OR56A3: variants seen among roughly 807,000 people sequenced by gnomAD.
The protein encoded by OR56A3 is olfactory receptor family 56 subfamily A member 3.
Under a neutral mutation model 17.5 loss-of-function variants are expected in OR56A3, and 23 were observed. That is an observed-to-expected ratio of 1.32 (90% CI 0.95 to 1.87). The LOEUF is 1.87. Ranked by LOEUF, OR56A3 falls within the 40% of genes most tolerant of loss-of-function variation. The pLI is 0.00. For synonymous variants in OR56A3, 175 were observed against 150.6 expected (o/e 1.16, Z -1.19); for missense variants, 366 against 380.1 (o/e 0.96, Z 0.31).
the OR56A3 span, among the ~76,000 whole-genome samples, chr11:5,979,219 A>AATG: frequency 6.6e-6 from 1 of 151,892 alleles, no homozygotes; most frequent in East Asian, 1.9e-4. Context: ...TTGGTATCAA[A>AATG]ATGATGCTGG....
intron 2 of OR56A3, among the ~76,000 whole-genome samples, chr11:5,946,063 C>A (rs1241680905): frequency 1.3e-5 from 2 of 152,314 alleles, no homozygotes; most frequent in Admixed American, 6.5e-5. Flanking sequence ...CCCCTGAAGA[C>A]CTGACCTACA....
At chr11:5,986,798 T>A in the OR56A3 span, 4 of 1,613,846 alleles carry the variant, frequency 2.5e-6, no homozygotes, top group Admixed American at 5.0e-5. Context: ...GGCAGTGCAA[T>A]CCAGTGCTGG....
the OR56A3 span, among the ~76,000 whole-genome samples, chr11:6,007,725 C>T: frequency 1.3e-5 from 2 of 152,154 alleles, no homozygotes; most frequent in Non-Finnish European, 2.9e-5. Context: ...AAGGAAGAAA[C>T]TGAATCAGGC....
At chr11:6,016,187 C>T in the OR56A3 span, among the ~76,000 whole-genome samples, 1 of 152,128 alleles carries the variant, frequency 6.6e-6, no homozygotes, top group African/African-American at 2.4e-5. Flanking sequence ...ACTCCCCACT[C>T]TCTCTCGGTC....
At chr11:5,991,548 C>T in the OR56A3 span, among the ~76,000 whole-genome samples, 1 of 152,112 alleles carries the variant, frequency 6.6e-6, no homozygotes, top group Non-Finnish European at 1.5e-5. Flanking sequence ...ACTATTCTAA[C>T]TCAGAGAAAT....
the OR56A3 span, among the ~76,000 whole-genome samples, chr11:5,957,006 T>A: frequency 6.6e-6 from 1 of 152,098 alleles, no homozygotes; most frequent in Non-Finnish European, 1.5e-5. Context: ...AATAAAAAAT[T>A]AGCCAGACAT....
At chr11:6,011,219 T>A in the OR56A3 span, among the ~76,000 whole-genome samples, 13 of 149,378 alleles carry the variant, frequency 8.7e-5, no homozygotes, top group Non-Finnish European at 3.0e-5. Context: ...TATATATATA[T>A]ATACACACAT....
chr11:5,961,337 A>G, the OR56A3 span, among the ~76,000 whole-genome samples: 5 of 152,232 alleles, frequency 3.3e-5, no homozygotes, highest in African/African-American at 1.2e-4. Flanking sequence ...GGAAGGAGAG[A>G]TCAGATTGTT....
the OR56A3 span, chr11:5,994,580 G>C: frequency 5.7e-6 from 5 of 874,162 alleles, no homozygotes; most frequent in Non-Finnish European, 9.6e-6. Context: ...CTGCAGCCGA[G>C]TGACATTGGT....
chr11:5,943,532 A>G (rs1047864634), intron 1 of OR56A3: 7 of 148,608 alleles, frequency 4.7e-5, no homozygotes, highest in African/African-American at 1.5e-4. Flanking sequence ...AAAAAAAAAA[A>G]CCACCTTATT....
the OR56A3 span, among the ~76,000 whole-genome samples, chr11:5,989,650 G>T: frequency 2.0e-5 from 3 of 151,950 alleles, no homozygotes; most frequent in African/African-American, 7.3e-5. Flanking sequence ...GGTGGATAAG[G>T]CATAAAAAAA....
the OR56A3 span, among the ~76,000 whole-genome samples, chr11:5,959,590 C>A: frequency 6.6e-6 from 1 of 152,078 alleles, no homozygotes; most frequent in African/African-American, 2.4e-5. Flanking sequence ...TACTTTCTTC[C>A]ATTTAGCTCT....
At chr11:6,018,588 A>G in the OR56A3 span, among the ~76,000 whole-genome samples, 1 of 152,116 alleles carries the variant, frequency 6.6e-6, no homozygotes, top group East Asian at 1.9e-4. Context: ...GCCTATATCA[A>G]AAAAGTAGAA....
the OR56A3 span, among the ~76,000 whole-genome samples, chr11:6,016,073 T>A: frequency 6.6e-6 from 1 of 152,142 alleles, no homozygotes; most frequent in Non-Finnish European, 1.5e-5. Context: ...GTGATTGAAT[T>A]ATGAGGGTGG....
the OR56A3 span, among the ~76,000 whole-genome samples, chr11:5,982,393 C>T: frequency 6.6e-6 from 1 of 151,906 alleles, no homozygotes; most frequent in Non-Finnish European, 1.5e-5. Context: ...CAGCAGGGGT[C>T]GGGGGGCTTC....
chr11:5,976,157 G>A, the OR56A3 span, among the ~76,000 whole-genome samples: 33 of 151,708 alleles, frequency 2.2e-4, no homozygotes, highest in African/African-American at 7.7e-4. Context: ...GAGAGGAAAA[G>A]GGAGAGAAGG....
the OR56A3 span, chr11:5,967,658 G>A: frequency 6.8e-6 from 11 of 1,613,988 alleles, no homozygotes; most frequent in Non-Finnish European, 9.3e-6. Flanking sequence ...GCAGGATGTT[G>A]AGCAGGATGG....
chr11:5,946,466 T>C (rs887730094), intron 2 of OR56A3, among the ~76,000 whole-genome samples: 2 of 152,208 alleles, frequency 1.3e-5, no homozygotes, highest in Non-Finnish European at 2.9e-5. Flanking sequence ...TGTGTGGCTA[T>C]ATCATTACAG....
chr11:6,015,355 C>T, the OR56A3 span, among the ~76,000 whole-genome samples: 2 of 143,978 alleles, frequency 1.4e-5, no homozygotes, highest in African/African-American at 5.4e-5. Context: ...CTAGCTCCAT[C>T]CCTGGTTCAA....
Sources: allele counts gnomAD v4.1 joint callset (sites outside exome capture counted in the v4.1 genomes callset), GRCh38; gene constraint gnomAD v4.1.1; transcripts MANE v1.5; gene names NCBI Gene and HGNC (gene_info 2026-07-23, HGNC 2026-07-21).